Variants in NCALD observed in about 807,000 individuals in gnomAD.
The protein encoded by NCALD is neurocalcin-delta.
Under a neutral mutation model 18.6 loss-of-function variants are expected in NCALD, and 10 were observed. The ratio of observed to expected loss-of-function variants is 0.54; its 90% CI spans 0.33 to 0.91. The LOEUF (loss-of-function observed/expected upper bound fraction) is 0.91, where lower values mean the gene tolerates loss of function less well. Ranked by LOEUF, NCALD falls within the 40% of genes least tolerant of loss-of-function variation. The probability of loss-of-function intolerance (pLI) is 0.03; values close to 1 mark genes in which losing one functional copy is unlikely to be tolerated. For synonymous variants in NCALD, 88 were observed against 87.4 expected, an observed-to-expected ratio of 1.01 and a Z score of -0.04; for missense variants, 184 against 247.6, an observed-to-expected ratio of 0.74 and a Z score of 1.72.
At chr8:101,920,205 C>A (rs978475723) in intron 2 of NCALD, among the ~76,000 whole-genome samples, 6 of 152,104 alleles carry the variant, frequency 3.9e-5, no homozygotes, top group African/African-American at 1.4e-4. Flanking sequence ...TATAGTGAGA[C>A]ATGATTGTGC....
chr8:101,742,389 G>A (rs1011523523), intron 1 of NCALD, among the ~76,000 whole-genome samples: 2 of 152,164 alleles, frequency 1.3e-5, no homozygotes, highest in Admixed American at 1.3e-4. Context: ...ATTATGATGT[G>A]CAACAATGTA....
At chr8:101,800,285 C>G (rs925765511) in intron 4 of NCALD, among the ~76,000 whole-genome samples, 6 of 152,058 alleles carry the variant, frequency 3.9e-5, no homozygotes, top group Non-Finnish European at 7.4e-5. Context: ...ATTAAAGTGT[C>G]CTAGGACTCT....
chr8:101,927,260 G>A (rs1818368654), intron 2 of NCALD, among the ~76,000 whole-genome samples: 1 of 152,140 alleles, frequency 6.6e-6, no homozygotes, highest in South Asian at 2.1e-4. Context: ...CAGCCTCTGT[G>A]CCAGGCACCA....
intron 3 of NCALD, among the ~76,000 whole-genome samples, chr8:101,887,441 A>G (rs544698879): frequency 6.6e-6 from 1 of 152,328 alleles, no homozygotes; most frequent in Admixed American, 6.5e-5. Flanking sequence ...TAACAGGCAC[A>G]GTCTCCAAAG....
chr8:101,833,304 T>C lies in NCALD; in HGVS notation c.-20+53837A>G, dbSNP rs1226430975. 2.0e-5 allele frequency among the ~76,000 whole-genome samples: 3 copies of C among 152,302 alleles called. No individual in the cohort carries two copies. The East Asian group carries it at 5.8e-4, about 29-fold the overall frequency. ...TCTCAGGTGATACCAGTGCTATGGA[T>C]CCACAGACTTTGAGCACCAAGAGGC... On this transcript the variant is annotated intron_variant, in intron 4 of 6. Coordinates refer to the NCALD transcript ENST00000311028.
chr8:101,798,228 G>A (rs1169750901), intron 4 of NCALD, among the ~76,000 whole-genome samples: 2 of 152,084 alleles, frequency 1.3e-5, no homozygotes, highest in African/African-American at 4.8e-5. Flanking sequence ...TTTCATTTGT[G>A]GATGAAATGA....
chr8:101,915,386 CTATCTGA>C, intron 3 of NCALD: 1 of 152,278 alleles, frequency 6.6e-6, no homozygotes. Flanking sequence ...AGGTGCCAGA[CTATCTGA>C]TATCTGTTAA....
rs540801652 is a variant in NCALD at position 101,897,632 on chromosome 8, C to CT, written c.-106-10406dup. Among the ~76,000 whole-genome samples the CT allele has an allele frequency of 2.2e-3, 334 of 152,234 alleles. 2 individuals carry two copies. The highest frequency in any genetic ancestry group is 3.9e-3 in the South Asian group (19 of 4,820). ...GCTGCTAGGAACAATTATGTACAGG[C>CT]TTTGTGTAGATAAAGTTTTCACATT... On this transcript the variant is annotated intron_variant, in intron 3 of 6. Transcript: ENST00000311028.
chr8:101,778,313 T>C (rs1487088237), intron 1 of NCALD, among the ~76,000 whole-genome samples: 4 of 152,136 alleles, frequency 2.6e-5, no homozygotes, highest in Admixed American at 2.0e-4. Context: ...TTCATAAATA[T>C]GATTGGGCCA....
intron 2 of NCALD, among the ~76,000 whole-genome samples, chr8:101,923,466 T>C (rs1311311752): frequency 6.6e-6 from 1 of 152,246 alleles, no homozygotes; most frequent in East Asian, 1.9e-4. Flanking sequence ...ACTAGCTCTC[T>C]ATACGCAGAA....
chr8:102,050,284 T>C (rs892865388), intron 1 of NCALD, among the ~76,000 whole-genome samples: 2 of 151,848 alleles, frequency 1.3e-5, no homozygotes, highest in African/African-American at 4.8e-5. Context: ...TTCGAAGATT[T>C]CTTCAAGTCT....
intron 1 of NCALD, among the ~76,000 whole-genome samples, chr8:101,782,289 A>G (rs1450171139): frequency 2.6e-5 from 4 of 152,070 alleles, no homozygotes; most frequent in African/African-American, 9.7e-5. Context: ...AACCCAGCTA[A>G]AGTTAAAATG....
rs1563785678 is a variant in NCALD, at chr8:101,804,321, T to TATATAATTATATCAATTATATATA, written c.-20+82819_-20+82820insTATATATAATTGATATAATTATAT. 3.1e-4 allele frequency among the ~76,000 whole-genome samples: 24 copies of TATATAATTATATCAATTATATATA among 78,488 alleles called. 1 individual carries two copies. Among genetic ancestry groups the TATATAATTATATCAATTATATATA allele is most frequent in the African/African-American group, 7.2e-4 (24 of 33,232 alleles). 51.5% of individuals were successfully genotyped at this position (78,488 alleles called of 152,430 possible). On this transcript the variant is annotated intron_variant, in intron 4 of 6. Transcript: ENST00000311028. ...ATATATAATTATATCAATTATATAT[T>TATATAATTATATCAATTATATATA]ATATATAATTATATCAATTATATAT...
intron 1 of NCALD, among the ~76,000 whole-genome samples, chr8:101,757,400 T>C (rs190363084): frequency 1.3e-5 from 2 of 152,322 alleles, no homozygotes; most frequent in East Asian, 3.9e-4. Context: ...TCTCCGGAAC[T>C]TAAAACAGAG....
intron 2 of NCALD, among the ~76,000 whole-genome samples, chr8:101,919,780 T>A (rs483986): frequency 0.99 from 151,062 of 152,330 alleles, 74,932 homozygotes; most frequent in Middle Eastern, 1. Context: ...AAATGCTTCA[T>A]ATGCTTCAAA....
At chr8:101,772,919 G>C (rs1811643576) in intron 1 of NCALD, among the ~76,000 whole-genome samples, 1 of 152,162 alleles carries the variant, frequency 6.6e-6, no homozygotes, top group Non-Finnish European at 1.5e-5. Flanking sequence ...GTGATCCAGT[G>C]ACCCCAGAAA....
chr8:102,050,855 ATTAAT>A (rs1278631646), intron 1 of NCALD, among the ~76,000 whole-genome samples: 3 of 146,192 alleles, frequency 2.1e-5, no homozygotes, highest in South Asian at 2.1e-4. Context: ...AATTTAATTA[ATTAAT>A]TTAATTAATT....
At chr8:101,763,967 CA>C (rs1407223057) in intron 1 of NCALD, among the ~76,000 whole-genome samples, 953 of 7,014 alleles carry the variant, frequency 0.14, 13 homozygotes, top group African/African-American at 0.23. Flanking sequence ...TCTCTCTCTC[CA>C]CACACACACA....
intron 3 of NCALD, among the ~76,000 whole-genome samples, chr8:101,898,427 C>T (rs1016397047): frequency 3.3e-5 from 5 of 152,004 alleles, no homozygotes; most frequent in African/African-American, 4.8e-5. Flanking sequence ...AATCTAGGTA[C>T]GTGTTTTGCA....
Sources: gnomAD v4.1 joint callset for allele counts (sites outside exome capture counted in the v4.1 genomes callset) on GRCh38, gnomAD v4.1.1 for gene constraint, MANE v1.5 for transcripts, NCBI Gene and HGNC (gene_info 2026-07-23, HGNC 2026-07-21) for gene names.